FBXO28: variants seen among roughly 807,000 people sequenced by gnomAD.
The protein encoded by FBXO28 is F-box only protein 28.
Under a neutral mutation model 38.1 loss-of-function variants are expected in FBXO28, and 8 were observed. The observed-to-expected ratio is 0.21, with a 90% confidence interval of 0.12 to 0.38. FBXO28 has a LOEUF of 0.38. FBXO28 is among the 10% of genes least tolerant of loss of function. The pLI, the probability that FBXO28 is intolerant of heterozygous loss-of-function variation, is 1.00. For missense variants in FBXO28, 345 were observed against 460.6 expected (o/e 0.75, Z 2.30); for synonymous variants, 168 against 173.8 (o/e 0.97, Z 0.26).
rs188704518 is a variant in FBXO28 at position 224,121,549 on chromosome 1, G to A, written c.267+7153G>A. On this transcript the variant is annotated intron_variant, in intron 1 of 4. Transcript: ENST00000366862. ...CTGTCACCCATGCTGGAGTGCAGTC[G>A]TGAGATCACAGCTCACTGCAGCCTC... Among the ~76,000 whole-genome samples the A allele has an allele frequency of 5.0e-3, 767 of 152,294 alleles. 27 individuals are homozygous for A. Among genetic ancestry groups the A allele is most frequent in the Admixed American group, 0.043 (657 of 15,282 alleles).
chr1:224,125,684 C>T (rs1037399409), intron 1 of FBXO28, among the ~76,000 whole-genome samples: 30 of 151,050 alleles, frequency 2.0e-4, no homozygotes, highest in African/African-American at 7.1e-4. Context: ...TTCTGTCATC[C>T]AGGCTGGAGT....
intron 1 of FBXO28, among the ~76,000 whole-genome samples, chr1:224,119,785 G>A (rs988999704): frequency 1.3e-5 from 2 of 152,124 alleles, no homozygotes; most frequent in African/African-American, 2.4e-5. Flanking sequence ...GAAAAAAAAC[G>A]ATGTGTAAAT....
intron 3 of FBXO28, among the ~76,000 whole-genome samples, chr1:224,141,003 T>C (rs1309951283): frequency 7.1e-6 from 1 of 139,924 alleles, no homozygotes; most frequent in Non-Finnish European, 1.6e-5. Context: ...GCCAACATGG[T>C]GAAACCCTTT....
intron 3 of FBXO28, among the ~76,000 whole-genome samples, chr1:224,137,786 A>G (rs140226013): frequency 0.015 from 2,215 of 151,956 alleles, 67 homozygotes; most frequent in African/African-American, 0.03. Flanking sequence ...GTTGGTTGAG[A>G]ATCTGTAGTT....
At chr1:224,138,613 A>G (rs1233770091) in intron 3 of FBXO28, among the ~76,000 whole-genome samples, 1 of 151,958 alleles carries the variant, frequency 6.6e-6, no homozygotes, top group African/African-American at 2.4e-5. Context: ...AGCTCATATT[A>G]GTATCAGCAG....
intron 1 of FBXO28, among the ~76,000 whole-genome samples, chr1:224,119,135 C>CTTTTT (rs67458349): frequency 0.1 from 11,161 of 109,760 alleles, 1,057 homozygotes; most frequent in Admixed American, 0.14. Context: ...TCTTTTTTTT[C>CTTTTT]TTTTTTTTTT....
At chr1:224,121,924 C>T (rs540773722) in intron 1 of FBXO28, among the ~76,000 whole-genome samples, 1 of 152,074 alleles carries the variant, frequency 6.6e-6, no homozygotes, top group Non-Finnish European at 1.5e-5. Flanking sequence ...TACAGGCCTG[C>T]ACCACCACGC....
At chr1:224,155,222 A>G (rs1055507277) in intron 4 of FBXO28, among the ~76,000 whole-genome samples, 8 of 151,536 alleles carry the variant, frequency 5.3e-5, no homozygotes, top group Admixed American at 2.0e-4. Context: ...CTGGAGTGCA[A>G]TGGCGTGATC....
chr1:224,157,920 C>CTGA lies in FBXO28; in HGVS notation c.*177_*179dup. The CTGA allele has an allele frequency of 7.1e-7, 1 of 1,413,274 alleles. No homozygotes were observed. Among genetic ancestry groups the CTGA allele is most frequent in the Non-Finnish European group, 9.2e-7 (1 of 1,090,946 alleles). 87.5% of individuals were successfully genotyped at this position (1,413,274 alleles called of 1,614,324 possible). ...TCTTTTCCTGCTTCTCCTGATTGAA[C>CTGA]TGATGCACAGAATCTTTTTACTTTG... On this transcript the variant is annotated 3_prime_UTR_variant, in exon 5 of 5. Transcript: ENST00000366862.
At chr1:224,142,859 T>G (rs1657394455) in intron 3 of FBXO28, among the ~76,000 whole-genome samples, 1 of 151,980 alleles carries the variant, frequency 6.6e-6, no homozygotes, top group Admixed American at 6.6e-5. Context: ...GGCACGAGAA[T>G]CGCTTCAACC....
In FBXO28 at chr1:224,134,052, T is replaced by TTTA. The variant is rs144729070; in HGVS notation, c.378-5_378-3dup. 290 of 1,450,914 alleles carry TTTA rather than the reference T, an allele frequency of 2.0e-4. 1 individual carries two copies. The highest frequency in any genetic ancestry group is 3.9e-4 in the Middle Eastern group (2 of 5,162). The allele number at this position is 1,450,914 out of a possible 1,614,324, so 89.9% of individuals were successfully genotyped here. A position where few individuals can be genotyped will look rare whatever the true frequency, so the allele number is the denominator to read the frequency against. On this transcript the variant is annotated intron_variant, in intron 2 of 4. Transcript: ENST00000366862. ...ATACTGCTTTAATGGTTGCCTTGCT[T>TTTA]TTATTATTATTATTATTATAGGAGA...
chr1:224,123,438 G>C, intron 1 of FBXO28, among the ~76,000 whole-genome samples: 1 of 38,962 alleles, frequency 2.6e-5, no homozygotes, highest in East Asian at 9.4e-4. Flanking sequence ...GGGAGACCCT[G>C]TCTCAAAAAA....
chr1:224,114,735 T>C (rs1656606302), intron 1 of FBXO28, among the ~76,000 whole-genome samples: 1 of 151,404 alleles, frequency 6.6e-6, no homozygotes. Flanking sequence ...GGAGAGGTCA[T>C]GTCGCCTGCC....
chr1:224,142,912 C>CTCCA (rs1657395665), intron 3 of FBXO28, among the ~76,000 whole-genome samples: 1 of 152,070 alleles, frequency 6.6e-6, no homozygotes, highest in Admixed American at 6.6e-5. Context: ...TGCCACTGAA[C>CTCCA]TCCAGCCTGG....
chr1:224,131,646 C>A (rs1174763028), intron 2 of FBXO28, among the ~76,000 whole-genome samples: 1 of 152,140 alleles, frequency 6.6e-6, no homozygotes, highest in Non-Finnish European at 1.5e-5. Context: ...ACCTCTTCCT[C>A]ATACTGTATA....
Position 224,158,121 on chromosome 1 carries a change from T to G in FBXO28, c.*375T>G, listed in dbSNP as rs903604756. On this transcript the variant is annotated 3_prime_UTR_variant, in exon 5 of 5. Transcript: ENST00000366862. ...GTTAAGTTTAATACAGAAAATGTCC[T>G]GTTCACTTGAAAGAAAAGACCTACT... The G allele has an allele frequency of 1.0e-5, 10 of 996,446 alleles. No homozygotes were observed. The African/African-American group carries it at 1.6e-4, about 16-fold the overall frequency. The allele number at this position is 996,446 out of a possible 1,614,324, so 61.7% of individuals were successfully genotyped here.
At chr1:224,120,989 A>G (rs1656758739) in intron 1 of FBXO28, among the ~76,000 whole-genome samples, 2 of 152,070 alleles carry the variant, frequency 1.3e-5, no homozygotes, top group African/African-American at 4.8e-5. Context: ...AGAGGAGATT[A>G]GAACTTTTTT....
At chr1:224,125,424 T>C (rs75750368) in intron 1 of FBXO28, among the ~76,000 whole-genome samples, 1 of 152,270 alleles carries the variant, frequency 6.6e-6, no homozygotes, top group East Asian at 1.9e-4. Flanking sequence ...GGCCTTTTTC[T>C]CTTATCTTTC....
chr1:224,140,392 T>A (rs1657314966), intron 3 of FBXO28, among the ~76,000 whole-genome samples: 1 of 152,140 alleles, frequency 6.6e-6, no homozygotes, highest in Non-Finnish European at 1.5e-5. Context: ...TCTGGAACAG[T>A]TCCCTAGGCT....
Sources: allele counts gnomAD v4.1 joint callset (sites outside exome capture counted in the v4.1 genomes callset), GRCh38; gene constraint gnomAD v4.1.1; transcripts MANE v1.5; gene names NCBI Gene and HGNC (gene_info 2026-07-23, HGNC 2026-07-21).